GNAZ: variants seen among roughly 807,000 people sequenced by gnomAD.
GNAZ encodes the protein G protein subunit alpha z.
In GNAZ, 3 loss-of-function variants were observed where a neutral mutation model predicts 25.4. The ratio of observed to expected loss-of-function variants is 0.12; its 90% CI spans 0.05 to 0.30. GNAZ has a LOEUF of 0.30. Among genes scored for constraint, GNAZ ranks in the 10% least tolerant of loss-of-function variants. GNAZ has a pLI of 1.00. For missense variants in GNAZ, 241 were observed against 501.8 expected, an observed-to-expected ratio of 0.48 and a Z score of 4.97; for synonymous variants, 211 against 205.7, an observed-to-expected ratio of 1.03 and a Z score of -0.22.
chr22:23,118,459 C>T (rs959135563), intron 2 of GNAZ, among the ~76,000 whole-genome samples: 9 of 152,142 alleles, frequency 5.9e-5, no homozygotes, highest in Non-Finnish European at 1.2e-4. Context: ...GTGTTTCTGC[C>T]TCCCTCTTCC....
At chr22:23,091,474 C>T (rs1330879596) in intron 1 of GNAZ, among the ~76,000 whole-genome samples, 1 of 151,682 alleles carries the variant, frequency 6.6e-6, no homozygotes, top group Non-Finnish European at 1.5e-5. Context: ...ACACACACCG[C>T]AATGGACCTG....
In GNAZ at chr22:23,095,462, G is replaced by A; in HGVS notation, c.-234G>A. 3.6e-6 allele frequency: 2 copies of A among 549,152 alleles called. No individual in the cohort carries two copies. 34.0% of individuals were successfully genotyped at this position (549,152 alleles called of 1,614,324 possible). A position where few individuals can be genotyped will look rare whatever the true frequency, so the allele number is the denominator to read the frequency against. ...TCAGGCCACTTTGCCAACTAGGGAGGTGGAGTGTCACTAGTGGGGAGGGGC... is the reference window on the plus strand; with the variant it reads ...TCAGGCCACTTTGCCAACTAGGGAGATGGAGTGTCACTAGTGGGGAGGGGC... On this transcript the variant is annotated 5_prime_UTR_variant, in exon 2 of 3. The change creates a new upstream start codon in the 5' untranslated region. Transcript: ENST00000615612.
Position 23,124,723 on chromosome 22 carries a change from T to C in GNAZ, c.*1292T>C. ...GACTCCTGTGAAGGCACAGCCAGCG[T>C]TGTGGCCTGAGGGAGGCCCTGCTGG... On this transcript the variant is annotated 3_prime_UTR_variant, in exon 3 of 3. Transcript: ENST00000615612. 5.6e-6 allele frequency: 1 copy of C among 180,000 alleles called. No individual in the cohort carries two copies. The highest frequency in any genetic ancestry group is 1.2e-5 in the Non-Finnish European group (1 of 83,634). The allele number at this position is 180,000 out of a possible 1,614,324, so 11.2% of individuals were successfully genotyped here. A position where few individuals can be genotyped will look rare whatever the true frequency, so the allele number is the denominator to read the frequency against.
At chr22:23,112,582 A>G (rs543350947) in intron 2 of GNAZ, among the ~76,000 whole-genome samples, 1 of 152,248 alleles carries the variant, frequency 6.6e-6, no homozygotes, top group Non-Finnish European at 1.5e-5. Context: ...TGGTGGAGTC[A>G]GGGTGGGACT....
At chr22:23,082,846 G>A (rs970772409) in intron 1 of GNAZ, among the ~76,000 whole-genome samples, 5 of 152,218 alleles carry the variant, frequency 3.3e-5, no homozygotes, top group African/African-American at 7.2e-5. Context: ...GTTTCACAGA[G>A]CTGAGGCTAG....
At chr22:23,081,993 C>T (rs1408603815) in intron 1 of GNAZ, among the ~76,000 whole-genome samples, 1 of 142,340 alleles carries the variant, frequency 7.0e-6, no homozygotes, top group Non-Finnish European at 1.5e-5. Context: ...GGTGTGGTGG[C>T]GGGCACCTGT....
At chr22:23,089,727 G>A (rs2068912999) in intron 1 of GNAZ, among the ~76,000 whole-genome samples, 1 of 152,202 alleles carries the variant, frequency 6.6e-6, no homozygotes, top group Non-Finnish European at 1.5e-5. Flanking sequence ...TGTGTGGGCT[G>A]AAGGATCTGT....
rs1162682182 is a variant in GNAZ at position 23,108,055 on chromosome 22, G to GC, written c.723+11643dup. 2.0e-5 allele frequency among the ~76,000 whole-genome samples: 3 copies of GC among 152,104 alleles called. No individual in the cohort carries two copies. In the East Asian group the frequency reaches 5.8e-4, roughly 29 times the overall value. On this transcript the variant is annotated intron_variant, in intron 2 of 2. Coordinates refer to ENST00000615612, the MANE Select transcript of GNAZ (RefSeq NM_002073.4). ...TGGCGGGTCTGGGTGTGAGGCCTGTGCCCCCCGCCCTGATCCAGCCCATCT... is the reference window on the plus strand; with the variant it reads ...TGGCGGGTCTGGGTGTGAGGCCTGTGCCCCCCCGCCCTGATCCAGCCCATCT...
intron 2 of GNAZ, among the ~76,000 whole-genome samples, chr22:23,100,641 G>A (rs374983745): frequency 2.0e-5 from 3 of 152,198 alleles, no homozygotes; most frequent in Non-Finnish European, 4.4e-5. Context: ...AGCACACCAC[G>A]AGGGCAGGTC....
chr22:23,123,476 G>T lies in GNAZ; in HGVS notation c.*45G>T. 3.0e-6 allele frequency: 4 copies of T among 1,336,224 alleles called. No individual in the cohort carries two copies. The highest frequency in any genetic ancestry group is 4.2e-6 in the Non-Finnish European group (4 of 945,808). The allele number at this position is 1,336,224 out of a possible 1,614,324, so 82.8% of individuals were successfully genotyped here. ...GCCTGCCTATGGTGAAACCCACGGG[G>T]TGTCATGCCCCAACGCGTGCTAGAG... is the stretch of plus-strand genomic sequence containing the variant. On this transcript the variant is annotated 3_prime_UTR_variant, in exon 3 of 3. Coordinates refer to ENST00000615612, the MANE Select transcript of GNAZ (RefSeq NM_002073.4).
chr22:23,103,590 C>G (rs1254475578), intron 2 of GNAZ, among the ~76,000 whole-genome samples: 1 of 152,252 alleles, frequency 6.6e-6, no homozygotes, highest in South Asian at 2.1e-4. Context: ...CCCTCCCGCT[C>G]TTCCTCGGCA....
intron 2 of GNAZ, among the ~76,000 whole-genome samples, chr22:23,100,082 C>T (rs531193060): frequency 1.4e-4 from 22 of 152,368 alleles, no homozygotes; most frequent in African/African-American, 4.3e-4. Context: ...AGCCCTGTGG[C>T]GGGTCTGTTT....
At chr22:23,087,264 G>C (rs574066221) in intron 1 of GNAZ, among the ~76,000 whole-genome samples, 2 of 152,040 alleles carry the variant, frequency 1.3e-5, no homozygotes, top group Non-Finnish European at 2.9e-5. Context: ...CCAGGAGTTC[G>C]AGACCAGTCT....
chr22:23,096,778 G>A (rs980418363), intron 2 of GNAZ, among the ~76,000 whole-genome samples: 5 of 152,258 alleles, frequency 3.3e-5, no homozygotes, highest in African/African-American at 1.2e-4. Context: ...AGCCACCCCT[G>A]CAACCCCATC....
At position 23,123,109 on chromosome 22, in the gene GNAZ, G is replaced by A. The variant is rs1221941233; in HGVS notation, c.746G>A (p.Arg249His). ...NQTSRMAESL[R>H]LFDSICNNNW... is the part of the protein sequence containing the mutation. Reference sequence around the variant, plus strand: ...CAGAGTCGGATGGCAGAGAGCTTGCGCCTCTTTGACTCCATCTGCAACAAC... The same window carrying A: ...CAGAGTCGGATGGCAGAGAGCTTGCACCTCTTTGACTCCATCTGCAACAAC... Residue 249 changes from arginine (R) to histidine (H), a missense_variant, in exon 3 of 3, where the codon CGC becomes CAC. Coordinates refer to ENST00000615612, the MANE Select transcript of GNAZ (RefSeq NM_002073.4). The A allele has an allele frequency of 3.7e-6, 6 of 1,613,170 alleles. No individual in the cohort carries two copies. Among genetic ancestry groups the A allele is most frequent in the East Asian group, 2.2e-5 (1 of 44,866 alleles).
chr22:23,124,367 A>G lies in GNAZ; in HGVS notation c.*936A>G. The G allele has an allele frequency of 2.2e-6, 1 of 461,892 alleles. No individual in the cohort carries two copies. The highest frequency in any genetic ancestry group is 2.0e-5 in the African/African-American group (1 of 49,806). 28.6% of individuals were successfully genotyped at this position (461,892 alleles called of 1,614,324 possible). A position where few individuals can be genotyped will look rare whatever the true frequency, so the allele number is the denominator to read the frequency against. On this transcript the variant is annotated 3_prime_UTR_variant, in exon 3 of 3. Coordinates refer to ENST00000615612, the MANE Select transcript of GNAZ (RefSeq NM_002073.4). The stretch of plus-strand genomic sequence containing the variant: ...TTGTGTCTGGCTTGCTGAGTGTAAA[A>G]GTTGTTATCTGGACGATCTGTCTCT...
chr22:23,106,415 G>C (rs546738717), intron 2 of GNAZ, among the ~76,000 whole-genome samples: 1 of 152,350 alleles, frequency 6.6e-6, no homozygotes, highest in African/African-American at 2.4e-5. Context: ...GCATGAGAAA[G>C]TGCTCTGTGT....
Position 23,071,116 on chromosome 22 carries a change from G to A in GNAZ, c.-450+546G>A, listed in dbSNP as rs2068359821. ...TCGGTCACTGCTCTTGCAGCGAGCA[G>A]GTTCCTCACAGGCATTTAGAGGAAG... On this transcript the variant is annotated intron_variant, in intron 1 of 2. Coordinates refer to ENST00000615612, the MANE Select transcript of GNAZ (RefSeq NM_002073.4). This position sits in a 1 kb window ranked among gnomAD's most constrained non-coding sequence, Gnocchi z 4.1. 6.6e-6 allele frequency among the ~76,000 whole-genome samples: 1 copy of A among 152,234 alleles called. No homozygotes were observed. The highest frequency in any genetic ancestry group is 2.4e-5 in the African/African-American group (1 of 41,460).
intron 2 of GNAZ, among the ~76,000 whole-genome samples, chr22:23,097,670 C>T (rs559421567): frequency 1.3e-5 from 2 of 152,370 alleles, no homozygotes; most frequent in Non-Finnish European, 2.9e-5. Flanking sequence ...CTGTGGTTGC[C>T]ACAAGTTCAG....
Sources: allele counts gnomAD v4.1 joint callset (sites outside exome capture counted in the v4.1 genomes callset), GRCh38; gene constraint gnomAD v4.1.1; non-coding constraint Gnocchi (gnomAD v3.1); transcripts MANE v1.5; gene names NCBI Gene and HGNC (gene_info 2026-07-23, HGNC 2026-07-21).